HHAT: variants seen among roughly 807,000 people sequenced by gnomAD.
HHAT encodes protein-cysteine N-palmitoyltransferase HHAT.
A neutral mutation model predicts 70.8 loss-of-function variants in HHAT; 47 were observed. The ratio of observed to expected loss-of-function variants is 0.66; its 90% confidence interval spans 0.53 to 0.85. HHAT has a LOEUF of 0.85. Ranked by LOEUF, HHAT falls within the 40% of genes least tolerant of loss-of-function variation. The pLI is 0.00. For missense variants in HHAT, 609 were observed against 604.8 expected (o/e 1.01, Z -0.07); for synonymous variants, 228 against 247.6 (o/e 0.92, Z 0.74).
chr1:210,607,470 G>A (rs1665719020), intron 10 of HHAT, among the ~76,000 whole-genome samples: 1 of 152,090 alleles, frequency 6.6e-6, no homozygotes, highest in Admixed American at 6.6e-5. Flanking sequence ...TAAAAAGGAG[G>A]CCTTGCTTTA....
intron 8 of HHAT, among the ~76,000 whole-genome samples, chr1:210,511,591 C>G (rs576158037): frequency 7.2e-5 from 11 of 152,050 alleles, no homozygotes; most frequent in South Asian, 2.1e-4. Flanking sequence ...GTCAGACCCC[C>G]CCTCGAGGGT....
intron 9 of HHAT, among the ~76,000 whole-genome samples, chr1:210,514,223 G>A (rs903087766): frequency 1.3e-5 from 2 of 152,146 alleles, no homozygotes; most frequent in Non-Finnish European, 2.9e-5. Context: ...TCTTTTCCAA[G>A]GCTCATCCAA....
At chr1:210,511,558 G>A (rs77891542) in intron 8 of HHAT, among the ~76,000 whole-genome samples, 11,504 of 152,068 alleles carry the variant, frequency 0.076, 571 homozygotes, top group Non-Finnish European at 0.11. Context: ...CGGAAGCTAG[G>A]GACAGGCAGG....
intron 9 of HHAT, among the ~76,000 whole-genome samples, chr1:210,567,065 C>G (rs868285493): frequency 5.9e-5 from 9 of 152,222 alleles, no homozygotes; most frequent in Non-Finnish European, 1.0e-4. Context: ...CTGTGCCCCC[C>G]CTCCAATAAG....
chr1:210,352,202 T>C (rs1444937622), intron 2 of HHAT, among the ~76,000 whole-genome samples: 1 of 152,216 alleles, frequency 6.6e-6, no homozygotes, highest in Non-Finnish European at 1.5e-5. Flanking sequence ...GATGCTGTCA[T>C]GCTGACCACC....
At chr1:210,607,730 T>C (rs1241918754) in intron 10 of HHAT, among the ~76,000 whole-genome samples, 2 of 151,942 alleles carry the variant, frequency 1.3e-5, no homozygotes, top group Non-Finnish European at 2.9e-5. Context: ...GGTTTTCTTT[T>C]CTTTTTTTTT....
At chr1:210,542,496 A>AT (rs1553264041) in intron 9 of HHAT, among the ~76,000 whole-genome samples, 1,509 of 149,486 alleles carry the variant, frequency 0.01, 18 homozygotes, top group African/African-American at 0.031. Context: ...TTAAAAAAAA[A>AT]ATATATATAT....
intron 9 of HHAT, among the ~76,000 whole-genome samples, chr1:210,547,463 G>A (rs2095493437): frequency 6.6e-6 from 1 of 152,166 alleles, no homozygotes; most frequent in South Asian, 2.1e-4. Flanking sequence ...AATTACAGAA[G>A]CATATGGAAT....
chr1:210,343,049 C>A (rs2086173514), intron 1 of HHAT, among the ~76,000 whole-genome samples: 1 of 152,092 alleles, frequency 6.6e-6, no homozygotes, highest in African/African-American at 2.4e-5. Flanking sequence ...GAGTAAACAG[C>A]AAACTGTTTC....
chr1:210,528,079 C>T (rs1389917806), intron 9 of HHAT, among the ~76,000 whole-genome samples: 2 of 152,174 alleles, frequency 1.3e-5, no homozygotes, highest in African/African-American at 4.8e-5. Context: ...CGTCTGGGAG[C>T]TTATTATGCT....
At chr1:210,435,449 T>C (rs761153014) in intron 7 of HHAT, among the ~76,000 whole-genome samples, 2 of 151,904 alleles carry the variant, frequency 1.3e-5, no homozygotes, top group East Asian at 3.8e-4. Context: ...CAGATATTGC[T>C]TTGACATGTT....
At chr1:210,379,769 A>G (rs1227324174) in intron 3 of HHAT, among the ~76,000 whole-genome samples, 1 of 152,206 alleles carries the variant, frequency 6.6e-6, no homozygotes, top group Non-Finnish European at 1.5e-5. Flanking sequence ...ATAATACTTC[A>G]TACATTCCTG....
intron 8 of HHAT, among the ~76,000 whole-genome samples, chr1:210,478,972 G>C (rs149064080): frequency 6.6e-6 from 1 of 151,370 alleles, no homozygotes; most frequent in South Asian, 2.1e-4. Flanking sequence ...CATCTGACCC[G>C]TGTGGGCTTA....
At chr1:210,663,634 G>C (rs1370812631) in intron 11 of HHAT, among the ~76,000 whole-genome samples, 1 of 152,170 alleles carries the variant, frequency 6.6e-6, no homozygotes, top group Non-Finnish European at 1.5e-5. Context: ...CTCCATGCGT[G>C]AGCACCCAAT....
At chr1:210,529,817 G>A (rs2095294959) in intron 9 of HHAT, among the ~76,000 whole-genome samples, 1 of 152,210 alleles carries the variant, frequency 6.6e-6, no homozygotes, top group Non-Finnish European at 1.5e-5. Flanking sequence ...GTGAACTGGA[G>A]GGGCCTCAGG....
At chr1:210,446,218 A>G (rs972776316) in intron 7 of HHAT, among the ~76,000 whole-genome samples, 1 of 152,198 alleles carries the variant, frequency 6.6e-6, no homozygotes, top group African/African-American at 2.4e-5. Context: ...CGGGAGCCTT[A>G]CAGGGCTTCT....
At chr1:210,483,875 G>T (rs554813644) in intron 8 of HHAT, among the ~76,000 whole-genome samples, 4 of 152,244 alleles carry the variant, frequency 2.6e-5, no homozygotes, top group African/African-American at 9.6e-5. Context: ...TTTCTATAAG[G>T]ATAAATCGAT....
chr1:210,601,564 T>C (rs1464923356), intron 10 of HHAT, among the ~76,000 whole-genome samples: 1 of 152,134 alleles, frequency 6.6e-6, no homozygotes, highest in East Asian at 1.9e-4. Context: ...GCTATTCATT[T>C]CTTAACTTAC....
rs191276891 is a variant in HHAT, at chr1:210,332,787, A to G, written c.-44+3683A>G. On this transcript the variant is annotated intron_variant, in intron 1 of 11. Transcript: ENST00000261458. ...AAAGTGGGCTTGGAGAATGTGAGTC[A>G]CCTGTTGCAATGAACCTGTAATTTG... is the stretch of plus-strand genomic sequence containing the variant. Among the ~76,000 whole-genome samples, 446 of 152,288 alleles carry G rather than the reference A, an allele frequency of 2.9e-3. 3 individuals carry two copies. Among genetic ancestry groups the G allele is most frequent in the African/African-American group, 0.011 (437 of 41,542 alleles).
Sources: gnomAD v4.1 joint callset for allele counts (sites outside exome capture counted in the v4.1 genomes callset) on GRCh38, gnomAD v4.1.1 for gene constraint, MANE v1.5 for transcripts, NCBI Gene and HGNC (gene_info 2026-07-23, HGNC 2026-07-21) for gene names.